Variants in NBPF14 observed in about 807,000 individuals in gnomAD.
NBPF14 encodes NBPF family member NBPF14.
Under a neutral mutation model 91.2 loss-of-function variants are expected in NBPF14, and 104 were observed. The observed-to-expected ratio is 1.14, with a 90% CI of 0.97 to 1.34. The LOEUF is 1.34. Among genes scored for constraint, NBPF14 ranks in the 40% most tolerant of loss-of-function variants. The probability of loss-of-function intolerance (pLI) is 0.00; values close to 1 mark genes in which losing one functional copy is unlikely to be tolerated. For synonymous variants in NBPF14, 294 were observed against 303.8 expected, an observed-to-expected ratio of 0.97 and a Z score of 0.34; for missense variants, 908 against 783.0, an observed-to-expected ratio of 1.16 and a Z score of -1.91.
chr1:148,535,310 T>C (rs1272481340), intron 68 of NBPF14, 143 bp downstream of exon 68: 1 of 617,886 alleles, frequency 1.6e-6, no homozygotes, highest in Non-Finnish European at 2.8e-6. Context: ...AAACATCTAC[T>C]GCAATGAAAA....
In NBPF14 at chr1:148,577,023, CT is replaced by C. The variant is rs1402926304; in HGVS notation, c.2026+159del. On this transcript the variant is annotated intron_variant, in intron 15 of 70. Transcript: ENST00000619423. ...CTCACTGACCCATCCCTTGTCTGGG[CT>C]TCCAAGTGGAACTAGAGTTTCATTC... Among the ~76,000 whole-genome samples the C allele has an allele frequency of 3.3e-4, 49 of 146,566 alleles. 3 individuals are homozygous for C. The highest frequency in any genetic ancestry group is 6.7e-4 in the Non-Finnish European group (44 of 65,786).
chr1:148,566,508 GACACACACACACACACACACACACACAC>G (rs1170223898), intron 28 of NBPF14, among the ~76,000 whole-genome samples, 193 bp from the exon 29 acceptor site: 1 of 122,024 alleles, frequency 8.2e-6, no homozygotes, highest in African/African-American at 3.0e-5. Flanking sequence ...GAGAAAGACA[GACACACACACACACACACACACACACAC>G]ACACAAACAC....
chr1:148,589,895 C>G (rs1382544244), intron 6 of NBPF14, among the ~76,000 whole-genome samples: 2 of 147,904 alleles, frequency 1.4e-5, no homozygotes, highest in Non-Finnish European at 3.0e-5. Context: ...AACATGCCAG[C>G]TAATTTTTGT....
chr1:148,572,457 G>A, exon 21 of NBPF14: 11 of 525,096 alleles, frequency 2.1e-5, no homozygotes, highest in South Asian at 2.1e-4. Context: ...CACGTCAAGA[G>A]CCAAGCCAAG....
At chr1:148,579,171 G>A in exon 13 of NBPF14, 1 of 454,126 alleles carries the variant, frequency 2.2e-6, no homozygotes, top group Non-Finnish European at 3.8e-6. Flanking sequence ...GAGGAATTGA[G>A]AGAGTCGAAT....
intron 37 of NBPF14, among the ~76,000 whole-genome samples, chr1:148,559,488 A>T (rs1657247530): frequency 1.6e-5 from 2 of 127,842 alleles, no homozygotes; most frequent in Non-Finnish European, 3.1e-5. Flanking sequence ...AATCTACAAG[A>T]TCTACAAAAT....
intron 28 of NBPF14, among the ~76,000 whole-genome samples, chr1:148,566,542 A>AAAC (rs1658410350): frequency 1.1e-5 from 1 of 90,936 alleles, no homozygotes; most frequent in African/African-American, 3.9e-5. Flanking sequence ...CACACACACA[A>AAAC]ACACACACAC....
At chr1:148,534,546 T>A (rs1654634120) in intron 69 of NBPF14, 138 bp downstream of exon 69, 26 of 713,476 alleles carry the variant, frequency 3.6e-5, no homozygotes, top group South Asian at 3.4e-4. Context: ...TACAGTTTCA[T>A]TACAACCTAT....
intron 34 of NBPF14, among the ~76,000 whole-genome samples, 183 bp from the exon 35 acceptor site, chr1:148,561,762 G>A (rs1252582646): frequency 8.8e-6 from 1 of 114,176 alleles, no homozygotes; most frequent in Non-Finnish European, 1.6e-5. Context: ...AAGAATGAAA[G>A]AGAAAGACAG....
Position 148,559,843 on chromosome 1 carries a change from G to C in NBPF14, c.4679C>G (p.Ala1560Gly), listed in dbSNP as rs1490469998. The C allele has an allele frequency of 4.3e-3, 6,610 of 1,528,600 alleles. 2,084 individuals carry two copies. The African/African-American group carries it at 0.12, about 27-fold the overall frequency. 94.7% of individuals were successfully genotyped at this position (1,528,600 alleles called of 1,614,324 possible). A position where few individuals can be genotyped will look rare whatever the true frequency, so the allele number is the denominator to read the frequency against. ...ACGCTGCTGCTCCAATATGTAAAAGGCACTTCTATAGGGCTGGCATGAGTC... is the reference window on the plus strand; with the variant it reads ...ACGCTGCTGCTCCAATATGTAAAAGCCACTTCTATAGGGCTGGCATGAGTC... Residue 1560 changes from alanine (A) to glycine (G), a missense_variant, in exon 37 of 71, where the codon GCC becomes GGC. This residue lies in a region of NBPF14 where 447 missense variants were observed against 189.1 expected (regional missense o/e 2.36). Transcript: ENST00000619423.
chr1:148,533,446 G>A (rs1360128170), intron 70 of NBPF14, among the ~76,000 whole-genome samples, 198 bp from the exon 71 acceptor site: 3 of 151,252 alleles, frequency 2.0e-5, no homozygotes, highest in Non-Finnish European at 4.4e-5. Flanking sequence ...GAGAAAGACA[G>A]AGAGAGAGAG....
intron 28 of NBPF14, 57 bp from the exon 29 acceptor site, chr1:148,566,372 C>T (rs1318492086): frequency 1.9e-5 from 14 of 748,606 alleles, no homozygotes; most frequent in African/African-American, 1.5e-4. Flanking sequence ...ACAACAGAGC[C>T]TCAACTAGGT....
chr1:148,588,679 G>C lies in NBPF14; in HGVS notation c.988+505C>G, dbSNP rs1470576962. Among the ~76,000 whole-genome samples the C allele has an allele frequency of 3.3e-5, 5 of 151,992 alleles. No homozygotes were observed. In the East Asian group the frequency reaches 7.7e-4, roughly 23 times the overall value. On this transcript the variant is annotated intron_variant, in intron 7 of 70. Coordinates refer to ENST00000619423, the Ensembl canonical transcript of NBPF14. ...ATGCTGTCACTTATAGACAGCACAG[G>C]TTCTATTAGGAGTAGACTCCTCTTG...
chr1:148,533,947 C>T (rs1220898094), exon 70 of NBPF14: 2 of 725,016 alleles, frequency 2.8e-6, no homozygotes, highest in East Asian at 2.5e-5. Flanking sequence ...TTCTTTTTTT[C>T]CCCTTCCCCT....
chr1:148,535,327 GCAATGT>G lies in NBPF14; in HGVS notation c.8441+120_8441+125del, dbSNP rs1654922549. 3 of 600,468 alleles carry G rather than the reference GCAATGT, an allele frequency of 5.0e-6. 1 individual carries two copies. The African/African-American group carries it at 6.1e-5, about 12-fold the overall frequency. 37.2% of individuals were successfully genotyped at this position (600,468 alleles called of 1,614,324 possible). A position where few individuals can be genotyped will look rare whatever the true frequency, so the allele number is the denominator to read the frequency against. ...ACATCTACTGCAATGAAAACCAACA[GCAATGT>G]CAGTAGGAGTAATTCAACCTTCGCT... On this transcript the variant is annotated intron_variant, in intron 68 of 70. Coordinates refer to ENST00000619423, the Ensembl canonical transcript of NBPF14.
chr1:148,559,974 G>C lies in NBPF14; in HGVS notation c.4557-9C>G, dbSNP rs1657420830. The C allele has an allele frequency of 8.6e-6, 11 of 1,281,416 alleles. 1 individual carries two copies. The highest frequency in any genetic ancestry group is 5.1e-5 in the East Asian group (2 of 39,578). The allele number at this position is 1,281,416 out of a possible 1,614,324, so 79.4% of individuals were successfully genotyped here. On this transcript the variant is annotated splice_polypyrimidine_tract_variant and intron_variant, in intron 36 of 70. Transcript: ENST00000619423. ...GCAGCTCCCTGCTGAGCCTGGAAAA[G>C]TGGAAAAAAGTAAAGAATAAGCCAG...
At chr1:148,587,311 C>T (rs2149568495) in exon 8 of NBPF14, 1 of 1,580,724 alleles carries the variant, frequency 6.3e-7, no homozygotes, top group Non-Finnish European at 8.6e-7. Flanking sequence ...CTGAGCTCCT[C>T]AGCTTGCTTC....
In NBPF14 at chr1:148,533,262, C is replaced by T. The variant is rs782360478; in HGVS notation, c.8724-14G>A. On this transcript the variant is annotated splice_polypyrimidine_tract_variant and intron_variant, in intron 70 of 70. Transcript: ENST00000619423. ...ACGCCGTTGAGCCTGGAAAAGGAGACAAAACTAAAGAAGCAGCCAGGGAAA... is the reference window on the plus strand; with the variant it reads ...ACGCCGTTGAGCCTGGAAAAGGAGATAAAACTAAAGAAGCAGCCAGGGAAA... 4.6e-6 allele frequency: 3 copies of T among 653,046 alleles called. No homozygotes were observed. The highest frequency in any genetic ancestry group is 7.0e-6 in the Non-Finnish European group (3 of 430,658). 40.5% of individuals were successfully genotyped at this position (653,046 alleles called of 1,614,324 possible).
In NBPF14 at chr1:148,579,141, G is replaced by C. The variant is rs1660534496; in HGVS notation, c.1734C>G (p.Tyr578Ter). 11 of 486,068 alleles carry C rather than the reference G, an allele frequency of 2.3e-5. No individual in the cohort carries two copies. The highest frequency in any genetic ancestry group is 3.2e-5 in the Non-Finnish European group (9 of 281,646). The allele number at this position is 486,068 out of a possible 1,614,324, so 30.1% of individuals were successfully genotyped here. A position where few individuals can be genotyped will look rare whatever the true frequency, so the allele number is the denominator to read the frequency against. The change falls in exon 13 of 71, where the codon TAC (tyrosine) becomes TAG (stop). Residue 578 changes from tyrosine (Y) to a stop codon, truncating the protein, a stop_gained. Transcript: ENST00000619423. LOFTEE classifies it high-confidence loss of function. ...AGTGAAATGTGCTGCTGTAAGACTG[G>C]TACGAGGCCAACATTTCAGGAGGAA... is the stretch of plus-strand genomic sequence containing the variant.
Sources: allele counts gnomAD v4.1 joint callset (sites outside exome capture counted in the v4.1 genomes callset), GRCh38; gene constraint gnomAD v4.1.1; regional missense constraint gnomAD v4.1.1; transcripts MANE v1.5; gene names NCBI Gene and HGNC (gene_info 2026-07-23, HGNC 2026-07-21).